The following NALF1 variants were observed in gnomAD, a reference collection of about 807,000 sequenced individuals.
NALF1 encodes the protein family with sequence similarity 155 member A.
In NALF1, 3 loss-of-function variants were observed where a neutral mutation model predicts 48.4. That is an observed-to-expected ratio of 0.06 (90% CI 0.03 to 0.16). NALF1 has a LOEUF of 0.16. Among genes scored for constraint, NALF1 ranks in the 10% least tolerant of loss-of-function variants. NALF1 has a pLI of 1.00. For synonymous variants in NALF1, 262 were observed against 245.7 expected (o/e 1.07, Z -0.62); for missense variants, 526 against 571.5 (o/e 0.92, Z 0.81).
At chr13:107,371,132 G>A (rs1883241634) in intron 1 of NALF1, among the ~76,000 whole-genome samples, 1 of 152,174 alleles carries the variant, frequency 6.6e-6, no homozygotes, top group Non-Finnish European at 1.5e-5. Flanking sequence ...GTGAACCTAG[G>A]AGAAAGTTCT....
intron 1 of NALF1, among the ~76,000 whole-genome samples, chr13:107,734,096 T>C (rs1418660936): frequency 6.6e-6 from 1 of 152,168 alleles, no homozygotes; most frequent in Non-Finnish European, 1.5e-5. Context: ...TGTGTTGCAC[T>C]ACGGTGTTAT....
intron 1 of NALF1, among the ~76,000 whole-genome samples, chr13:107,427,580 A>G (rs1288591287): frequency 1.3e-5 from 2 of 152,176 alleles, no homozygotes; most frequent in African/African-American, 4.8e-5. Flanking sequence ...AAAAAAAGAA[A>G]TTAAGGTTGC....
intron 1 of NALF1, among the ~76,000 whole-genome samples, chr13:107,839,798 C>A (rs570703181): frequency 6.6e-6 from 1 of 152,094 alleles, no homozygotes; most frequent in East Asian, 1.9e-4. Flanking sequence ...AGTGAAATAC[C>A]ACTTTTTATG....
intron 1 of NALF1, among the ~76,000 whole-genome samples, chr13:107,502,252 C>A (rs370856403): frequency 6.6e-6 from 1 of 152,092 alleles, no homozygotes; most frequent in Non-Finnish European, 1.5e-5. Context: ...ATGTTTTATT[C>A]CAAAAGGGAC....
chr13:107,280,649 AC>A (rs1415239485), intron 1 of NALF1, among the ~76,000 whole-genome samples: 4 of 152,294 alleles, frequency 2.6e-5, no homozygotes, highest in African/African-American at 9.6e-5. Context: ...TAGCTCATTT[AC>A]CTTTATTTTC....
At chr13:107,311,097 C>T (rs1292204558) in intron 1 of NALF1, among the ~76,000 whole-genome samples, 1 of 152,194 alleles carries the variant, frequency 6.6e-6, no homozygotes, top group Admixed American at 6.5e-5. Context: ...CGTTATAACA[C>T]ATTTTTTTTC....
chr13:107,678,270 G>A (rs879591173), intron 1 of NALF1, among the ~76,000 whole-genome samples: 27 of 152,176 alleles, frequency 1.8e-4, no homozygotes, highest in South Asian at 1.0e-3. Flanking sequence ...TGTGCTCAGC[G>A]TATGGCCGGC....
At chr13:107,586,609 C>T (rs1467121980) in intron 1 of NALF1, among the ~76,000 whole-genome samples, 1 of 131,354 alleles carries the variant, frequency 7.6e-6, no homozygotes, top group African/African-American at 2.9e-5. Flanking sequence ...AGATCTCTTG[C>T]CTACATTTAA....
chr13:107,702,868 A>T (rs1376589407), intron 1 of NALF1, among the ~76,000 whole-genome samples: 2 of 152,142 alleles, frequency 1.3e-5, no homozygotes, highest in African/African-American at 4.8e-5. Context: ...CCTGCAAAGG[A>T]CATGATCTCC....
At chr13:107,479,666 A>C (rs1432986989) in intron 1 of NALF1, among the ~76,000 whole-genome samples, 1 of 152,164 alleles carries the variant, frequency 6.6e-6, no homozygotes, top group African/African-American at 2.4e-5. Flanking sequence ...GGAGGAGCTA[A>C]TGTCTTTTGT....
In NALF1 at chr13:107,360,334, C is replaced by G. The variant is rs371048307; in HGVS notation, c.916-149579G>C. 2.6e-5 allele frequency among the ~76,000 whole-genome samples: 4 copies of G among 152,154 alleles called. No individual in the cohort carries two copies. The East Asian group carries it at 7.7e-4, about 29-fold the overall frequency. On this transcript the variant is annotated intron_variant, in intron 1 of 2. Transcript: ENST00000375915. ...GCTCAGATCCCCAAAGAATTCAGACCCCAAATTGTATTACTCTTCACTTCA... is the reference window on the plus strand; with the variant it reads ...GCTCAGATCCCCAAAGAATTCAGACGCCAAATTGTATTACTCTTCACTTCA...
At chr13:107,250,212 T>C (rs571886741) in intron 1 of NALF1, among the ~76,000 whole-genome samples, 9 of 152,204 alleles carry the variant, frequency 5.9e-5, no homozygotes, top group Non-Finnish European at 1.3e-4. Context: ...CAATGCTAGT[T>C]ATACACCAGA....
At chr13:107,654,735 T>G (rs980318185) in intron 1 of NALF1, among the ~76,000 whole-genome samples, 1 of 150,968 alleles carries the variant, frequency 6.6e-6, no homozygotes, top group African/African-American at 2.4e-5. Context: ...AAAACATAGA[T>G]GTAAAAATCC....
At chr13:107,603,606 A>C (rs1878991343) in intron 1 of NALF1, among the ~76,000 whole-genome samples, 4 of 152,226 alleles carry the variant, frequency 2.6e-5, no homozygotes, top group Admixed American at 2.6e-4. Context: ...ACAGATGAGT[A>C]ATGAACACAT....
chr13:107,330,917 T>C (rs560085305), intron 1 of NALF1, among the ~76,000 whole-genome samples: 3 of 152,342 alleles, frequency 2.0e-5, no homozygotes, highest in Admixed American at 1.3e-4. Flanking sequence ...TTTTTCTATG[T>C]CTGCATTTAT....
intron 1 of NALF1, among the ~76,000 whole-genome samples, chr13:107,652,535 T>G (rs1015241308): frequency 2.0e-5 from 3 of 152,160 alleles, no homozygotes; most frequent in African/African-American, 7.2e-5. Context: ...TGGCATTATT[T>G]TGCACACAGA....
chr13:107,854,882 AAG>A (rs756491959), intron 1 of NALF1, among the ~76,000 whole-genome samples: 10,934 of 146,692 alleles, frequency 0.075, 702 homozygotes, highest in East Asian at 0.2. Flanking sequence ...AAAAAAAAAA[AAG>A]AAAAAAAGAC....
At chr13:107,501,407 T>G (rs1875519932) in intron 1 of NALF1, among the ~76,000 whole-genome samples, 1 of 152,100 alleles carries the variant, frequency 6.6e-6, no homozygotes, top group Non-Finnish European at 1.5e-5. Context: ...TTTGTTTAAT[T>G]TTTTTTTATT....
chr13:107,227,677 G>A (rs1242568865), intron 1 of NALF1, among the ~76,000 whole-genome samples: 2 of 152,208 alleles, frequency 1.3e-5, no homozygotes, highest in Non-Finnish European at 2.9e-5. Flanking sequence ...TACATGGTGA[G>A]ATTGACAATG....
Sources: gnomAD v4.1 joint callset for allele counts (sites outside exome capture counted in the v4.1 genomes callset) on GRCh38, gnomAD v4.1.1 for gene constraint, MANE v1.5 for transcripts, NCBI Gene and HGNC (gene_info 2026-07-23, HGNC 2026-07-21) for gene names.